WWOX: variants seen among roughly 807,000 people sequenced by gnomAD.
WWOX encodes WW domain containing oxidoreductase.
In WWOX, 69 loss-of-function variants were observed where a neutral mutation model predicts 46.2. The ratio of observed to expected loss-of-function variants is 1.49; its 90% CI spans 1.23 to 1.82. The LOEUF is 1.82. Among genes scored for constraint, WWOX ranks in the 40% most tolerant of loss-of-function variants. The pLI, the probability that WWOX is intolerant of heterozygous loss-of-function variation, is 0.00. For synonymous variants in WWOX, 359 were observed against 202.6 expected (o/e 1.77, Z -6.56); for missense variants, 919 against 542.6 (o/e 1.69, Z -6.89).
intron 8 of WWOX, among the ~76,000 whole-genome samples, chr16:78,822,099 C>T (rs894218091): frequency 6.6e-6 from 1 of 152,188 alleles, no homozygotes; most frequent in Non-Finnish European, 1.5e-5. Context: ...CTGACCTAAA[C>T]TCCTGGCTAC....
chr16:78,545,867 T>A (rs2044018807), intron 8 of WWOX, among the ~76,000 whole-genome samples: 1 of 152,130 alleles, frequency 6.6e-6, no homozygotes, highest in Admixed American at 6.5e-5. Context: ...ATCCCTGGTG[T>A]CTCTTCCTCC....
chr16:79,002,422 A>T (rs1426546739), intron 8 of WWOX, among the ~76,000 whole-genome samples: 1 of 151,488 alleles, frequency 6.6e-6, no homozygotes, highest in Non-Finnish European at 1.5e-5. Context: ...CAGGGTTTTG[A>T]CATGTTGCCA....
chr16:78,845,574 A>G (rs2052277159), intron 8 of WWOX, among the ~76,000 whole-genome samples: 1 of 152,234 alleles, frequency 6.6e-6, no homozygotes, highest in African/African-American at 2.4e-5. Context: ...CCAATGCCAT[A>G]TAATTTACTA....
intron 8 of WWOX, among the ~76,000 whole-genome samples, chr16:78,522,289 T>G (rs2043365724): frequency 6.6e-6 from 1 of 151,838 alleles, no homozygotes; most frequent in Non-Finnish European, 1.5e-5. Flanking sequence ...ACTAGTGAAA[T>G]CAAGACACCA....
At chr16:78,670,931 A>T (rs1310730397) in intron 8 of WWOX, among the ~76,000 whole-genome samples, 1 of 152,096 alleles carries the variant, frequency 6.6e-6, no homozygotes, top group Non-Finnish European at 1.5e-5. Flanking sequence ...GAACAGAGAC[A>T]CCGAGAGAGG....
intron 8 of WWOX, among the ~76,000 whole-genome samples, chr16:78,491,594 C>T (rs535841543): frequency 1.3e-5 from 2 of 152,222 alleles, no homozygotes; most frequent in South Asian, 2.1e-4. Context: ...TCCTGAGTAG[C>T]TGGGACTACA....
At chr16:78,372,038 C>A (rs1050935066) in intron 5 of WWOX, among the ~76,000 whole-genome samples, 1 of 152,072 alleles carries the variant, frequency 6.6e-6, no homozygotes, top group Non-Finnish European at 1.5e-5. Flanking sequence ...GATTTATATT[C>A]CACTGGCCAA....
intron 8 of WWOX, among the ~76,000 whole-genome samples, chr16:79,199,017 C>A (rs981599169): frequency 6.6e-6 from 1 of 152,096 alleles, no homozygotes; most frequent in African/African-American, 2.4e-5. Flanking sequence ...GCTCTTTGAC[C>A]TAGGCAGAAA....
chr16:78,590,616 G>A (rs1190461551), intron 8 of WWOX, among the ~76,000 whole-genome samples: 1 of 151,608 alleles, frequency 6.6e-6, no homozygotes, highest in Non-Finnish European at 1.5e-5. Flanking sequence ...CAGTTTGTGT[G>A]TTAAGGCAGA....
At position 78,424,964 on chromosome 16, in the gene WWOX, C is replaced by G; in HGVS notation, c.700C>G (p.Leu234Val). 6.2e-7 allele frequency: 1 copy of G among 1,614,170 alleles called. No homozygotes were observed. ...GGAGACCACCTTTCAAGTGAATCAT[C>G]TGGGGCACTTCTACCTTGTCCAGCT... ...GLETTFQVNH[L>V]GHFYLVQLLQ... The change falls in exon 7 of 9, where the codon CTG becomes GTG. Residue 234 changes from leucine (L) to valine (V), a missense_variant. Physicochemically the swap from Leu to Val is conservative, Grantham distance 32. Coordinates refer to ENST00000566780, the MANE Select transcript of WWOX (RefSeq NM_016373.4).
At chr16:78,179,040 A>T (rs1417025232) in intron 5 of WWOX, among the ~76,000 whole-genome samples, 1 of 152,170 alleles carries the variant, frequency 6.6e-6, no homozygotes, top group East Asian at 1.9e-4. Flanking sequence ...TCATGATGAT[A>T]ATCAGGTGGC....
At chr16:79,063,453 C>T (rs1043017246) in intron 8 of WWOX, among the ~76,000 whole-genome samples, 2 of 152,188 alleles carry the variant, frequency 1.3e-5, no homozygotes, top group South Asian at 2.1e-4. Context: ...AACTTGGTCT[C>T]TGCTATAGGA....
intron 8 of WWOX, chr16:78,691,167 G>C: frequency 1.4e-6 from 1 of 694,982 alleles, no homozygotes; most frequent in Non-Finnish European, 2.6e-6. Flanking sequence ...TTCCCCCAGT[G>C]TTTGTGCGAT....
chr16:78,376,834 C>G (rs533743738), intron 5 of WWOX, among the ~76,000 whole-genome samples: 1 of 152,224 alleles, frequency 6.6e-6, no homozygotes, highest in East Asian at 1.9e-4. Context: ...TCTCTCCCTC[C>G]CAACAGCTGG....
Position 78,984,983 on chromosome 16 carries a change from AG to A in WWOX, c.1057-226623del, listed in dbSNP as rs1376402314. On this transcript the variant is annotated intron_variant, in intron 8 of 8. Coordinates refer to ENST00000566780, the MANE Select transcript of WWOX (RefSeq NM_016373.4). ...AGGATATGGACAGATACTGGGCAAAAGGAAAAAAAAAATATTGGATCCTTGC... is the reference window on the plus strand; with the variant it reads ...AGGATATGGACAGATACTGGGCAAAAGAAAAAAAAAATATTGGATCCTTGC... 3.3e-5 allele frequency among the ~76,000 whole-genome samples: 5 copies of A among 152,222 alleles called. 1 individual carries two copies. Among genetic ancestry groups the A allele is most frequent in the Admixed American group, 6.5e-5 (1 of 15,292 alleles).
At chr16:78,851,288 A>G (rs1471347079) in intron 8 of WWOX, among the ~76,000 whole-genome samples, 1 of 152,176 alleles carries the variant, frequency 6.6e-6, no homozygotes, top group Non-Finnish European at 1.5e-5. Context: ...TTTCAACAGG[A>G]GCTATAATTA....
chr16:79,056,505 G>A (rs981461501), intron 8 of WWOX, among the ~76,000 whole-genome samples: 7 of 152,172 alleles, frequency 4.6e-5, no homozygotes, highest in Non-Finnish European at 5.9e-5. Context: ...TTTAACTTGA[G>A]TACAGGGTTT....
intron 8 of WWOX, among the ~76,000 whole-genome samples, chr16:78,510,597 C>G (rs1406145183): frequency 6.6e-6 from 1 of 152,192 alleles, no homozygotes; most frequent in Non-Finnish European, 1.5e-5. Context: ...CATAATTTAG[C>G]TATGGATACA....
chr16:79,014,417 C>G (rs1310889668), intron 8 of WWOX, among the ~76,000 whole-genome samples: 2 of 152,150 alleles, frequency 1.3e-5, no homozygotes, highest in East Asian at 1.9e-4. Flanking sequence ...TTTTCTCAAG[C>G]TGTCTATGTT....
Sources: allele counts gnomAD v4.1 joint callset (sites outside exome capture counted in the v4.1 genomes callset), GRCh38; gene constraint gnomAD v4.1.1; transcripts MANE v1.5; gene names NCBI Gene and HGNC (gene_info 2026-07-23, HGNC 2026-07-21).